PLEKHM3: variants seen among roughly 807,000 people sequenced by gnomAD.
PLEKHM3 encodes the protein pleckstrin homology domain containing M3, also known as pleckstrin homology domain-containing family M member 3.
A neutral mutation model predicts 81.8 loss-of-function variants in PLEKHM3; 45 were observed. The observed-to-expected ratio is 0.55, with a 90% CI of 0.43 to 0.71. The LOEUF (loss-of-function observed/expected upper bound fraction) is 0.71. PLEKHM3 is among the 30% of genes least tolerant of loss of function. PLEKHM3 has a pLI of 0.00. For missense variants in PLEKHM3, 788 were observed against 924.3 expected, an observed-to-expected ratio of 0.85 and a Z score of 1.91; for synonymous variants, 352 against 356.4, an observed-to-expected ratio of 0.99 and a Z score of 0.14.
At chr2:207,913,241 C>T (rs970728565) in intron 5 of PLEKHM3, among the ~76,000 whole-genome samples, 6 of 151,306 alleles carry the variant, frequency 4.0e-5, no homozygotes, top group African/African-American at 9.7e-5. Flanking sequence ...TCCAAGTGGG[C>T]GATTTGTGGG....
chr2:207,894,470 G>C (rs1276913119), intron 6 of PLEKHM3, among the ~76,000 whole-genome samples: 1 of 149,696 alleles, frequency 6.7e-6, no homozygotes, highest in Non-Finnish European at 1.5e-5. Context: ...GCTAATGATG[G>C]GTGCATTTGC....
chr2:208,013,647 C>T (rs1204149071), intron 1 of PLEKHM3, among the ~76,000 whole-genome samples: 1 of 152,164 alleles, frequency 6.6e-6, no homozygotes, highest in Non-Finnish European at 1.5e-5. Context: ...GGCAAGAATG[C>T]AAAGGCCTTC....
chr2:207,993,545 A>C (rs1691969486), intron 2 of PLEKHM3, among the ~76,000 whole-genome samples: 1 of 151,886 alleles, frequency 6.6e-6, no homozygotes, highest in Non-Finnish European at 1.5e-5. Context: ...AAGGGAACCG[A>C]AACAGAGTAA....
At chr2:207,986,803 TG>T (rs1361913974) in intron 2 of PLEKHM3, among the ~76,000 whole-genome samples, 45 of 151,634 alleles carry the variant, frequency 3.0e-4, no homozygotes, top group Non-Finnish European at 5.3e-4. Context: ...CCTGAGTAGC[TG>T]GGACTACAGG....
intron 5 of PLEKHM3, among the ~76,000 whole-genome samples, chr2:207,919,049 C>T (rs1689095741): frequency 6.6e-6 from 1 of 152,024 alleles, no homozygotes; most frequent in African/African-American, 2.4e-5. Context: ...ATTTAAAACA[C>T]AGTGGTAAAG....
At chr2:207,985,299 G>A (rs1397822129) in intron 2 of PLEKHM3, among the ~76,000 whole-genome samples, 1 of 151,490 alleles carries the variant, frequency 6.6e-6, no homozygotes, top group Admixed American at 6.6e-5. Flanking sequence ...CATTCCTGAA[G>A]GCTTTCTTCA....
intron 7 of PLEKHM3, among the ~76,000 whole-genome samples, chr2:207,848,151 G>A (rs909514447): frequency 3.3e-5 from 5 of 152,230 alleles, no homozygotes; most frequent in African/African-American, 1.2e-4. Context: ...CAAATAGGAA[G>A]CCACGGGGAA....
intron 3 of PLEKHM3, among the ~76,000 whole-genome samples, chr2:207,962,250 T>C (rs764374849): frequency 6.6e-6 from 1 of 152,162 alleles, no homozygotes; most frequent in Admixed American, 6.5e-5. Flanking sequence ...TTCAGTTGCA[T>C]GGCCAATGAT....
intron 5 of PLEKHM3, among the ~76,000 whole-genome samples, chr2:207,924,373 C>T (rs1415275391): frequency 6.6e-6 from 1 of 152,034 alleles, no homozygotes; most frequent in Non-Finnish European, 1.5e-5. Context: ...TGACTCTCTC[C>T]CTGCAGATGA....
intron 6 of PLEKHM3, among the ~76,000 whole-genome samples, chr2:207,864,360 T>C (rs866624152): frequency 6.6e-6 from 1 of 152,232 alleles, no homozygotes; most frequent in South Asian, 2.1e-4. Flanking sequence ...AAATCATATA[T>C]GCAACCACCA....
At chr2:207,926,652 T>A (rs890040007) in intron 5 of PLEKHM3, among the ~76,000 whole-genome samples, 2 of 152,230 alleles carry the variant, frequency 1.3e-5, no homozygotes, top group Admixed American at 6.5e-5. Flanking sequence ...CATCTGGGAG[T>A]CCTCAGAAAC....
At chr2:207,861,078 T>C in intron 7 of PLEKHM3, 27 bp downstream of exon 7, 1 of 1,607,562 alleles carries the variant, frequency 6.2e-7, no homozygotes, top group African/African-American at 1.3e-5. Context: ...ATTTGGGTGT[T>C]CTTTTATGAA....
chr2:207,865,090 T>C (rs965234091), intron 6 of PLEKHM3, among the ~76,000 whole-genome samples: 2 of 152,216 alleles, frequency 1.3e-5, no homozygotes, highest in Non-Finnish European at 2.9e-5. Context: ...TTGTTTATGT[T>C]TCATTTCTTG....
chr2:207,872,624 G>A (rs1261245249), intron 6 of PLEKHM3, among the ~76,000 whole-genome samples: 1 of 152,178 alleles, frequency 6.6e-6, no homozygotes, highest in Non-Finnish European at 1.5e-5. Flanking sequence ...GATCACCTGA[G>A]GTCAGGAGTT....
rs748361076 is a variant in PLEKHM3 at position 207,976,779 on chromosome 2, G to T, written c.1418C>A (p.Pro473His). 1.2e-6 allele frequency: 2 copies of T among 1,614,074 alleles called. No individual in the cohort carries two copies. Among genetic ancestry groups the T allele is most frequent in the East Asian group, 2.2e-5 (1 of 44,898 alleles). The change falls in exon 3 of 8, where the codon CCC becomes CAC. Residue 473 changes from proline to histidine, a missense_variant. Transcript: ENST00000427836. This position sits in a 1 kb window ranked among gnomAD's most constrained non-coding sequence, Gnocchi z 4.1. The part of the protein sequence containing the change: ...QNLQVTLRNK[P>H]KDQMGGHELR... Reference sequence around the variant, plus strand: ...TTCATGCCCACCCATTTGATCCTTGGGTTTGTTCCTCAGTGTGACTTGCAG... The same window carrying T: ...TTCATGCCCACCCATTTGATCCTTGTGTTTGTTCCTCAGTGTGACTTGCAG...
Position 207,827,332 on chromosome 2 carries a change from G to C in PLEKHM3, c.*987C>G, listed in dbSNP as rs1376450819. On this transcript the variant is annotated 3_prime_UTR_variant, in exon 8 of 8. Transcript: ENST00000427836. ...GTAGGAACTGCCTCCACAGGATTCT[G>C]AGAAAAGAAACTAAAACGACCCTCT... The C allele has an allele frequency of 6.6e-6, 1 of 151,454 alleles. No individual in the cohort carries two copies. The highest frequency in any genetic ancestry group is 1.5e-5 in the Non-Finnish European group (1 of 67,868). The allele number at this position is 151,454 out of a possible 1,614,324, so 9.4% of individuals were successfully genotyped here.
chr2:207,986,877 G>A (rs529455565), intron 2 of PLEKHM3, among the ~76,000 whole-genome samples: 6 of 135,916 alleles, frequency 4.4e-5, no homozygotes, highest in African/African-American at 1.1e-4. Flanking sequence ...ACAGGGCCTC[G>A]CTATGTTGCC....
At position 207,824,331 on chromosome 2, in the gene PLEKHM3, A is replaced by C. The variant is rs1198406160; in HGVS notation, c.*3988T>G. ...CTCTATTTACTAGGAGAAGTAAAAA[A>C]ATAAAACAACCCCTGTGTTGAAACC... On this transcript the variant is annotated 3_prime_UTR_variant, in exon 8 of 8. Transcript: ENST00000427836. The C allele has an allele frequency of 6.6e-6, 1 of 152,252 alleles. No homozygotes were observed. The highest frequency in any genetic ancestry group is 6.5e-5 in the Admixed American group (1 of 15,288). The allele number at this position is 152,252 out of a possible 1,614,324, so 9.4% of individuals were successfully genotyped here. A position where few individuals can be genotyped will look rare whatever the true frequency, so the allele number is the denominator to read the frequency against.
chr2:207,923,886 T>C (rs71350710), intron 5 of PLEKHM3, among the ~76,000 whole-genome samples: 1,877 of 55,088 alleles, frequency 0.034, 69 homozygotes, highest in Non-Finnish European at 0.04. Context: ...CACACATATA[T>C]ATATATATAT....
Sources: allele counts gnomAD v4.1 joint callset (sites outside exome capture counted in the v4.1 genomes callset), GRCh38; gene constraint gnomAD v4.1.1; non-coding constraint Gnocchi (gnomAD v3.1); transcripts MANE v1.5; gene names NCBI Gene and HGNC (gene_info 2026-07-23, HGNC 2026-07-21).